Variants in NUDT21 observed in about 807,000 individuals in gnomAD.
NUDT21 encodes the protein cleavage and polyadenylation specificity factor subunit 5.
Under a neutral mutation model 29.8 loss-of-function variants are expected in NUDT21, and 5 were observed. The ratio of observed to expected loss-of-function variants is 0.17; its 90% CI spans 0.09 to 0.35. NUDT21 has a LOEUF of 0.35. Ranked by LOEUF, NUDT21 falls within the 10% of genes least tolerant of loss-of-function variation. NUDT21 has a pLI of 1.00. For synonymous variants in NUDT21, 113 were observed against 98.5 expected, an observed-to-expected ratio of 1.15 and a Z score of -0.87; for missense variants, 76 against 276.0, an observed-to-expected ratio of 0.28 and a Z score of 5.13.
intron 1 of NUDT21, among the ~76,000 whole-genome samples, chr16:56,450,336 T>C (rs1164719834): frequency 2.0e-5 from 3 of 152,220 alleles, no homozygotes; most frequent in East Asian, 1.9e-4. Flanking sequence ...TGAAATGCAA[T>C]GGTTTGAAGT....
intron 3 of NUDT21, among the ~76,000 whole-genome samples, chr16:56,443,065 AG>A (rs1962177863): frequency 6.6e-6 from 1 of 152,192 alleles, no homozygotes; most frequent in South Asian, 2.1e-4. Flanking sequence ...TTTCTTGTTA[AG>A]AAGTTTTCTC....
At chr16:56,449,231 A>G (rs1451092481) in intron 1 of NUDT21, 1 of 152,228 alleles carries the variant, frequency 6.6e-6, no homozygotes, top group Non-Finnish European at 1.5e-5. Context: ...CAGCTCCAAT[A>G]TATCAGTAAG....
chr16:56,443,096 GGTT>G (rs1337782696), intron 3 of NUDT21, among the ~76,000 whole-genome samples: 1 of 151,940 alleles, frequency 6.6e-6, no homozygotes, highest in Non-Finnish European at 1.5e-5. Context: ...GGTGATAGTT[GGTT>G]GTGTACTCAC....
chr16:56,444,390 C>T (rs150850151), intron 3 of NUDT21, among the ~76,000 whole-genome samples: 4 of 152,160 alleles, frequency 2.6e-5, no homozygotes, highest in Non-Finnish European at 5.9e-5. Flanking sequence ...TCGAGACCAA[C>T]CTGGCCGACA....
intron 3 of NUDT21, among the ~76,000 whole-genome samples, chr16:56,445,475 T>C (rs1297366992): frequency 3.3e-5 from 5 of 152,244 alleles, no homozygotes; most frequent in African/African-American, 1.2e-4. Context: ...ATTAAGTGAT[T>C]ATTGACTATA....
At chr16:56,433,818 CT>C (rs531047121) in intron 6 of NUDT21, among the ~76,000 whole-genome samples, 342 of 152,186 alleles carry the variant, frequency 2.2e-3, no homozygotes, top group African/African-American at 8.2e-3. Context: ...TCCCAAGTAG[CT>C]GGGATTAAAA....
At chr16:56,445,554 C>T (rs1317179510) in intron 3 of NUDT21, among the ~76,000 whole-genome samples, 1 of 152,226 alleles carries the variant, frequency 6.6e-6, no homozygotes, top group Non-Finnish European at 1.5e-5. Flanking sequence ...AAGGAATACA[C>T]AACCTGTATA....
At chr16:56,447,111 T>C (rs1962228555) in intron 2 of NUDT21, 1 of 160,086 alleles carries the variant, frequency 6.2e-6, no homozygotes. Flanking sequence ...TTTCCAACTT[T>C]ATGTCCATAT....
At chr16:56,434,968 A>C (rs546980184) in intron 4 of NUDT21, 139 bp from the exon 5 acceptor site, 11 of 558,528 alleles carry the variant, frequency 2.0e-5, no homozygotes, top group African/African-American at 1.9e-4. Context: ...TCTAACAGAT[A>C]CACTAGTAAA....
In NUDT21 at chr16:56,451,127, G is replaced by A. The variant is rs1382828279; in HGVS notation, c.76C>T (p.Gln26Ter). ...GVTQFGNKYI[Q>*]QTKPLTLERT... ...TCCAGGGTGAGGGGCTTCGTCTGCT[G>A]GATGTACTTGTTGCCGAACTGAGTG... The change falls in exon 1 of 7, where the codon CAG becomes TAG. Residue 26 changes from glutamine (Q) to a stop codon, truncating the protein, a stop_gained. Coordinates refer to ENST00000300291, the MANE Select transcript of NUDT21 (RefSeq NM_007006.3). LOFTEE classifies it high-confidence loss of function. 1 of 1,613,670 alleles carries A rather than the reference G, an allele frequency of 6.2e-7. No individual in the cohort carries two copies. The highest frequency in any genetic ancestry group is 1.7e-5 in the Admixed American group (1 of 59,968).
chr16:56,447,515 C>G, intron 2 of NUDT21: 1 of 419,800 alleles, frequency 2.4e-6, no homozygotes, highest in Non-Finnish European at 4.4e-6. Flanking sequence ...ACAATGACAT[C>G]TAGACATTGA....
intron 6 of NUDT21, among the ~76,000 whole-genome samples, chr16:56,433,000 G>A (rs1391296855): frequency 6.6e-6 from 1 of 152,098 alleles, no homozygotes; most frequent in Non-Finnish European, 1.5e-5. Flanking sequence ...CCACTAATAA[G>A]TTCTTTAAGG....
intron 6 of NUDT21, 98 bp from the exon 7 acceptor site, chr16:56,432,831 G>A (rs2143930904): frequency 1.2e-6 from 1 of 834,988 alleles, no homozygotes; most frequent in South Asian, 2.2e-5. Context: ...CCCTCCCTTA[G>A]CATGTCTGGC....
Position 56,439,736 on chromosome 16 carries a change from C to T in NUDT21, c.392G>A (p.Arg131His), listed in dbSNP as rs1406084412. Reference protein sequence around the residue: ...LKRLMTEILGRQDGVLQDWVI... With the variant: ...LKRLMTEILGHQDGVLQDWVI... Reference sequence around the variant, plus strand: ...CCAGTCTTGCAAAACTCCATCCTGACGACCCAGTATCTGTCAAAAAGAAAT... The same window carrying T: ...CCAGTCTTGCAAAACTCCATCCTGATGACCCAGTATCTGTCAAAAAGAAAT... Residue 131 changes from arginine to histidine, a missense_variant, in exon 4 of 7, where the codon CGT (arginine) becomes CAT (histidine). Arg to His is a conservative substitution (Grantham distance 29, BLOSUM62 0). Transcript: ENST00000300291. 2 of 1,613,638 alleles carry T rather than the reference C, an allele frequency of 1.2e-6. No individual in the cohort carries two copies. Among genetic ancestry groups the T allele is most frequent in the Non-Finnish European group, 1.7e-6 (2 of 1,179,570 alleles).
chr16:56,434,472 T>C (rs757087827), intron 5 of NUDT21, 27 bp from the exon 6 acceptor site: 3 of 1,245,988 alleles, frequency 2.4e-6, no homozygotes, highest in Non-Finnish European at 3.5e-6. Flanking sequence ...TTCATTATTA[T>C]AAGTTATTAT....
chr16:56,442,908 G>A (rs986075224), intron 3 of NUDT21, among the ~76,000 whole-genome samples: 2 of 151,886 alleles, frequency 1.3e-5, no homozygotes, highest in African/African-American at 2.4e-5. Flanking sequence ...TAATATCCAT[G>A]AGGTTTTTCT....
intron 5 of NUDT21, 132 bp from the exon 6 acceptor site, chr16:56,434,577 G>A: frequency 2.6e-6 from 2 of 776,028 alleles, no homozygotes; most frequent in Non-Finnish European, 4.3e-6. Flanking sequence ...CATTTTGGTT[G>A]TGTCTTTCAA....
In NUDT21 at chr16:56,429,408, T is replaced by C. The variant is rs1962007076; in HGVS notation, c.*3304A>G. The C allele has an allele frequency of 6.6e-6, 1 of 152,180 alleles. No homozygotes were observed. The highest frequency in any genetic ancestry group is 1.5e-5 in the Non-Finnish European group (1 of 68,026). The allele number at this position is 152,180 out of a possible 1,614,324, so 9.4% of individuals were successfully genotyped here. Reference sequence around the variant, plus strand: ...AATCAATATATCTTCCCAACTTATCTCTATTTTTACGATATGATCCATTAC... The same window carrying C: ...AATCAATATATCTTCCCAACTTATCCCTATTTTTACGATATGATCCATTAC... On this transcript the variant is annotated 3_prime_UTR_variant, in exon 7 of 7. Transcript: ENST00000300291.
intron 3 of NUDT21, chr16:56,446,355 G>T: frequency 3.5e-6 from 1 of 289,850 alleles, no homozygotes. Flanking sequence ...AGGAATTAGC[G>T]CATGTAAAGC....
Sources: gnomAD v4.1 joint callset for allele counts (sites outside exome capture counted in the v4.1 genomes callset) on GRCh38, gnomAD v4.1.1 for gene constraint, MANE v1.5 for transcripts, NCBI Gene and HGNC (gene_info 2026-07-23, HGNC 2026-07-21) for gene names.